Variants in COL6A1 observed in about 807,000 individuals in gnomAD.
COL6A1 encodes collagen type VI alpha 1 chain.
In COL6A1, 80 loss-of-function variants were observed where a neutral mutation model predicts 145.6. The ratio of observed to expected loss-of-function variants is 0.55; its 90% CI spans 0.46 to 0.66. The LOEUF is 0.66. Ranked by LOEUF, COL6A1 falls within the 30% of genes least tolerant of loss-of-function variation. The pLI, the probability that COL6A1 is intolerant of heterozygous loss-of-function variation, is 0.00. For missense variants in COL6A1, 1,364 were observed against 1,473.8 expected (o/e 0.93, Z 1.22); for synonymous variants, 638 against 622.8 (o/e 1.02, Z -0.36).
intron 19 of COL6A1, among the ~76,000 whole-genome samples, 190 bp from the exon 20 acceptor site, chr21:45,993,977 C>G (rs772799932): frequency 2.6e-5 from 4 of 152,212 alleles, no homozygotes; most frequent in Non-Finnish European, 4.4e-5. Context: ...TAGCCATAGC[C>G]AGCCACGCCG....
intron 17 of COL6A1, 27 bp from the exon 18 acceptor site, chr21:45,992,336 G>A (rs370940027): frequency 3.8e-5 from 62 of 1,613,786 alleles, no homozygotes; most frequent in East Asian, 1.8e-4. Context: ...CCAGACTAAC[G>A]CCGGCGTCTG....
intron 11 of COL6A1, 126 bp from the exon 12 acceptor site, chr21:45,990,132 C>G (rs1403584604): frequency 8.3e-7 from 1 of 1,208,538 alleles, no homozygotes. Context: ...CCCCATGATT[C>G]TCAGCAGTGA....
rs964335573 is a variant in COL6A1, at chr21:46,002,229, G to A, written c.2078G>A (p.Ser693Asn). The A allele has an allele frequency of 1.2e-6, 2 of 1,602,414 alleles. No homozygotes were observed. Among genetic ancestry groups the A allele is most frequent in the Non-Finnish European group, 8.5e-7 (1 of 1,177,304 alleles). Residue 693 changes from serine (S) to asparagine (N), a missense_variant, in exon 32 of 35, where the codon AGC (serine) becomes AAC (asparagine). By Grantham distance (46) the Ser-to-Asn change is conservative. This residue lies in a region of COL6A1 where 938 missense variants were observed against 1,003.8 expected (regional missense o/e 0.93). Transcript: ENST00000361866. Reference protein sequence around the residue: ...NVQELKEAIKSLQWMAGGTFT... With the variant: ...NVQELKEAIKNLQWMAGGTFT... ...CCTTTGCTATGCAGAGCCATCAAGA[G>A]CCTGCAGTGGATGGCGGGCGGCACC...
intron 26 of COL6A1, 103 bp from the exon 27 acceptor site, chr21:45,999,554 G>C (rs1262767170): frequency 7.9e-6 from 10 of 1,272,874 alleles, no homozygotes; most frequent in Admixed American, 1.9e-5. Flanking sequence ...GGGCAGGGGT[G>C]GGCTTGATGA....
rs117187953 is a variant in COL6A1 at position 45,982,173 on chromosome 21, G to A, written c.97+226G>A. ...TCAGCATTCTCAGCGGGGCCGGACC[G>A]CAGGCAGCTCGGGAGGGGCTCCCTG... On this transcript the variant is annotated intron_variant, in intron 1 of 34. Coordinates refer to ENST00000361866, the MANE Select transcript of COL6A1 (RefSeq NM_001848.3). 5.1e-4 allele frequency among the ~76,000 whole-genome samples: 77 copies of A among 152,286 alleles called. 1 individual carries two copies. The East Asian group carries it at 0.012, about 23-fold the overall frequency.
At chr21:45,999,922 CAT>C (rs1421102074) in intron 27 of COL6A1, among the ~76,000 whole-genome samples, 3 of 119,692 alleles carry the variant, frequency 2.5e-5, no homozygotes. Flanking sequence ...TCATGGGGGA[CAT>C]GTGAGGATCA....
At chr21:45,992,306 GA>G in intron 17 of COL6A1, 56 bp from the exon 18 acceptor site, 2 of 1,613,668 alleles carry the variant, frequency 1.2e-6, no homozygotes, top group Non-Finnish European at 1.7e-6. Context: ...ACGTCCCTGA[GA>G]CCAAATGCAG....
In COL6A1 at chr21:45,981,914, G is replaced by A. The variant is rs1461577118; in HGVS notation, c.64G>A (p.Glu22Lys). The change falls in exon 1 of 35, where the codon GAG (glutamate) becomes AAG (lysine). Residue 22 changes from glutamate to lysine, a missense_variant. Coordinates refer to ENST00000361866, the MANE Select transcript of COL6A1 (RefSeq NM_001848.3). ...GGCCTGCTGGACAGCCGCGCAGGAT[G>A]AGCCGGAGACCCCGAGGGCCGTGGC... The part of the protein sequence containing the change: ...LQACWTAAQD[E>K]PETPRAVAFQ... 6 of 1,607,626 alleles carry A rather than the reference G, an allele frequency of 3.7e-6. No homozygotes were observed. Among genetic ancestry groups the A allele is most frequent in the South Asian group, 3.3e-5 (3 of 90,174 alleles).
intron 15 of COL6A1, among the ~76,000 whole-genome samples, chr21:45,991,694 A>G (rs2077778010): frequency 6.6e-6 from 1 of 151,994 alleles, no homozygotes; most frequent in African/African-American, 2.4e-5. Flanking sequence ...TTCCCAGATT[A>G]CCCTCCAGGC....
At chr21:45,999,529 G>A in intron 26 of COL6A1, 128 bp from the exon 27 acceptor site, 3 of 1,021,744 alleles carry the variant, frequency 2.9e-6, no homozygotes, top group Non-Finnish European at 4.5e-6. Flanking sequence ...ACGAGGGGCT[G>A]GGTAGGGAGG....
At chr21:46,003,281 G>A (rs1459969474) in intron 34 of COL6A1, 110 bp from the exon 35 acceptor site, 6 of 1,599,942 alleles carry the variant, frequency 3.8e-6, no homozygotes, top group East Asian at 2.2e-5. Context: ...TCCGGTGGCT[G>A]AGCACCACCG....
chr21:45,985,959 C>T (rs566636116), intron 3 of COL6A1, among the ~76,000 whole-genome samples: 1 of 152,316 alleles, frequency 6.6e-6, no homozygotes, highest in South Asian at 2.1e-4. Flanking sequence ...AGACACGACT[C>T]CCCTAAATGA....
Position 45,989,081 on chromosome 21 carries a change from C to T in COL6A1, c.805-3C>T. 6.2e-7 allele frequency: 1 copy of T among 1,611,734 alleles called. No individual in the cohort carries two copies. The highest frequency in any genetic ancestry group is 8.5e-7 in the Non-Finnish European group (1 of 1,179,182). On this transcript the variant is annotated splice_region_variant and splice_polypyrimidine_tract_variant and intron_variant, in intron 8 of 34. Transcript: ENST00000361866. ...CCCAACCTTGACCTGTTTTGTGTTC[C>T]AGGGAGAACGAGGCAAGCCGGGGCT...
In COL6A1 at chr21:46,002,636, C is replaced by T. The variant is rs1203093809; in HGVS notation, c.2360C>T (p.Ser787Leu). The T allele has an allele frequency of 8.7e-6, 14 of 1,614,028 alleles. No individual in the cohort carries two copies. Among genetic ancestry groups the T allele is most frequent in the Non-Finnish European group, 1.1e-5 (13 of 1,180,002 alleles). ...CCATCCCAGGGCCGGCCCGGCCTCT[C>T]GCTGGTCAAGGAGAACTATGCAGAG... ...LAPSQGRPGLSLVKENYAELL... is the reference protein window; with the variant it reads ...LAPSQGRPGLLLVKENYAELL... Residue 787 changes from serine to leucine, a missense_variant, in exon 33 of 35, where the codon TCG becomes TTG. Transcript: ENST00000361866.
In COL6A1 at chr21:46,004,029, G is replaced by A. The variant is rs748216683; in HGVS notation, c.*16G>A. ...GCTGGGCTAGCCCACCCTGCACGCC[G>A]GCACCAAACCCTGTCCTCCCACCCC... is the stretch of plus-strand genomic sequence containing the variant. On this transcript the variant is annotated 3_prime_UTR_variant, in exon 35 of 35. Transcript: ENST00000361866. 26 of 1,612,812 alleles carry A rather than the reference G, an allele frequency of 1.6e-5. No homozygotes were observed. The Admixed American group carries it at 1.8e-4, about 11-fold the overall frequency.
Position 45,984,332 on chromosome 21 carries a change from G to A in COL6A1, c.291G>A (p.Val97=), listed in dbSNP as rs764612598. Residue 97 remains valine (V), a synonymous_variant, in exon 3 of 35, where the codon GTG becomes GTA. Coordinates refer to ENST00000361866, the MANE Select transcript of COL6A1 (RefSeq NM_001848.3). ...NAGALHYSDE[V]EIIQGLTRMP... is the part of the protein sequence containing the mutation. Reference sequence around the variant, plus strand: ...GCGCGCTGCACTACAGTGACGAGGTGGAGATCATCCAAGGCCTCACGCGCA... The same window carrying A: ...GCGCGCTGCACTACAGTGACGAGGTAGAGATCATCCAAGGCCTCACGCGCA... 6.2e-7 allele frequency: 1 copy of A among 1,612,382 alleles called. No individual in the cohort carries two copies. Among genetic ancestry groups the A allele is most frequent in the South Asian group, 1.1e-5 (1 of 91,014 alleles).
At position 45,981,908 on chromosome 21, in the gene COL6A1, C is replaced by A; in HGVS notation, c.58C>A (p.Gln20Lys). 6.2e-7 allele frequency: 1 copy of A among 1,607,092 alleles called. No individual in the cohort carries two copies. The highest frequency in any genetic ancestry group is 8.5e-7 in the Non-Finnish European group (1 of 1,178,086). The stretch of plus-strand genomic sequence containing the variant: ...GCTGCAGGCCTGCTGGACAGCCGCG[C>A]AGGATGAGCCGGAGACCCCGAGGGC... ...LLLQACWTAA[Q>K]DEPETPRAVA... The change falls in exon 1 of 35, where the codon CAG becomes AAG. Residue 20 changes from glutamine to lysine, a missense_variant. Around this residue, in one of 3 missense-constraint regions of COL6A1, gnomAD observed 414 missense variants for 437.6 expected, o/e 0.95. Transcript: ENST00000361866.
intron 21 of COL6A1, 73 bp downstream of exon 21, chr21:45,997,556 T>TG (rs1334014765): frequency 9.6e-6 from 15 of 1,560,934 alleles, no homozygotes; most frequent in Non-Finnish European, 1.3e-5. Flanking sequence ...GTCTGCCCAG[T>TG]GCTGGCCCCG....
At chr21:45,997,543 A>G in intron 21 of COL6A1, 60 bp downstream of exon 21, 3 of 1,558,686 alleles carry the variant, frequency 1.9e-6, no homozygotes, top group Non-Finnish European at 2.6e-6. Context: ...TCCAGAACCC[A>G]CTGTCTGCCC....
Sources: allele counts gnomAD v4.1 joint callset (sites outside exome capture counted in the v4.1 genomes callset), GRCh38; gene constraint gnomAD v4.1.1; regional missense constraint gnomAD v4.1.1; transcripts MANE v1.5; gene names NCBI Gene and HGNC (gene_info 2026-07-23, HGNC 2026-07-21).